The following ATG13 variants were observed in gnomAD, a reference collection of about 807,000 sequenced individuals.
The protein encoded by ATG13 is autophagy-related protein 13.
ATG13 carries 23 observed loss-of-function variants against 65.5 expected under a neutral mutation model. That is an observed-to-expected ratio of 0.35 (90% CI 0.25 to 0.50). ATG13 has a LOEUF of 0.50. Among genes scored for constraint, ATG13 ranks in the 20% least tolerant of loss-of-function variants. The probability of loss-of-function intolerance (pLI) is 0.98; values close to 1 mark genes in which losing one functional copy is unlikely to be tolerated. For synonymous variants in ATG13, 252 were observed against 245.2 expected, an observed-to-expected ratio of 1.03 and a Z score of -0.26; for missense variants, 566 against 677.0, an observed-to-expected ratio of 0.84 and a Z score of 1.82.
At chr11:46,670,046 G>GC (rs2063336316) in intron 18 of ATG13, among the ~76,000 whole-genome samples, 1 of 152,056 alleles carries the variant, frequency 6.6e-6, no homozygotes, top group East Asian at 1.9e-4. Flanking sequence ...GCAGAAGAGT[G>GC]CCCCGCACAA....
intron 1 of ATG13, among the ~76,000 whole-genome samples, chr11:46,624,616 A>G (rs1019678941): frequency 1.5e-4 from 23 of 151,998 alleles, no homozygotes; most frequent in Admixed American, 6.6e-4. Flanking sequence ...TTCAGGTTAT[A>G]CAGTTTTAGC....
At chr11:46,664,130 G>C in intron 12 of ATG13, 35 bp downstream of exon 12, 1 of 1,393,536 alleles carries the variant, frequency 7.2e-7, no homozygotes, top group Non-Finnish European at 9.9e-7. Flanking sequence ...GATATAATCA[G>C]ATGGCATCCT....
In ATG13 at chr11:46,664,971, G is replaced by A; in HGVS notation, c.999+12G>A. ...CACACCCTCACCAGGTATCTTTAAAGATGGGGAGGACTATGGGTTTCCAGT... is the reference window on the plus strand; with the variant it reads ...CACACCCTCACCAGGTATCTTTAAAAATGGGGAGGACTATGGGTTTCCAGT... On this transcript the variant is annotated intron_variant, in intron 13 of 18. Transcript: ENST00000683050. The A allele has an allele frequency of 6.2e-7, 1 of 1,609,044 alleles. No homozygotes were observed. The highest frequency in any genetic ancestry group is 8.5e-7 in the Non-Finnish European group (1 of 1,175,454).
Position 46,664,265 on chromosome 11 carries a change from A to G in ATG13, c.888+170A>G, listed in dbSNP as rs1592193184. On this transcript the variant is annotated intron_variant, in intron 12 of 18. Transcript: ENST00000683050. ...ACACAGCCACGGCCCAACAGCCTAA[A>G]ATAGGGAATTTTCATCTGCCCCTCC... 7.5e-6 allele frequency: 4 copies of G among 536,904 alleles called. No homozygotes were observed. In the East Asian group the frequency reaches 1.3e-4, roughly 17 times the overall value. The allele number at this position is 536,904 out of a possible 1,614,324, so 33.3% of individuals were successfully genotyped here.
At chr11:46,670,183 T>C (rs2063383401) in intron 18 of ATG13, among the ~76,000 whole-genome samples, 1 of 152,134 alleles carries the variant, frequency 6.6e-6, no homozygotes, top group Admixed American at 6.6e-5. Context: ...GCATGCCCAG[T>C]AATAACAATA....
intron 18 of ATG13, among the ~76,000 whole-genome samples, chr11:46,670,833 T>C (rs2063552142): frequency 6.6e-6 from 1 of 152,038 alleles, no homozygotes; most frequent in South Asian, 2.1e-4. Context: ...AATAAATAAA[T>C]AAAAATCAAG....
In ATG13 at chr11:46,668,461, G is replaced by A. The variant is rs1371717115; in HGVS notation, c.1252-38G>A. 1.9e-6 allele frequency: 3 copies of A among 1,593,306 alleles called. No individual in the cohort carries two copies. In the South Asian group the frequency reaches 3.3e-5, roughly 18 times the overall value. ...GGAAGGAAGCATGAACACTGCAGGAGGGGCAGGCATGAATGCTTTTCTCCT... is the reference window on the plus strand; with the variant it reads ...GGAAGGAAGCATGAACACTGCAGGAAGGGCAGGCATGAATGCTTTTCTCCT... On this transcript the variant is annotated intron_variant, in intron 15 of 18. Transcript: ENST00000683050.
chr11:46,664,779 T>C, intron 12 of ATG13, 70 bp from the exon 13 acceptor site: 3 of 1,398,402 alleles, frequency 2.1e-6, no homozygotes, highest in East Asian at 4.6e-5. Flanking sequence ...CCATCTTGTT[T>C]GTCACGCTCT....
At chr11:46,620,490 ATTGGGCT>A (rs1345798015) in intron 1 of ATG13, among the ~76,000 whole-genome samples, 2 of 151,702 alleles carry the variant, frequency 1.3e-5, no homozygotes, top group Middle Eastern at 3.2e-3. Context: ...AAACAACTCA[ATTGGGCT>A]GGGCGCGGTT....
At chr11:46,640,319 C>G (rs2055537326) in intron 2 of ATG13, among the ~76,000 whole-genome samples, 3 of 152,236 alleles carry the variant, frequency 2.0e-5, no homozygotes, top group Non-Finnish European at 4.4e-5. Flanking sequence ...TTCATAGCCA[C>G]TGTCTGTTAG....
intron 1 of ATG13, among the ~76,000 whole-genome samples, chr11:46,619,117 A>G (rs2046407215): frequency 6.6e-6 from 1 of 152,110 alleles, no homozygotes; most frequent in African/African-American, 2.4e-5. Flanking sequence ...TGCTTAGTGG[A>G]GGAGAGTGCA....
intron 1 of ATG13, 168 bp downstream of exon 1, chr11:46,618,058 C>G (rs1003450010): frequency 2.3e-5 from 9 of 396,090 alleles, no homozygotes; most frequent in Non-Finnish European, 3.1e-5. Context: ...GTCTAGGCCC[C>G]GTTGGCCCCT....
chr11:46,667,109 G>T (rs1012694461), intron 14 of ATG13, among the ~76,000 whole-genome samples: 2 of 152,184 alleles, frequency 1.3e-5, no homozygotes, highest in African/African-American at 4.8e-5. Flanking sequence ...ATTCTTAAAT[G>T]GAGGTCATAA....
At chr11:46,656,578 A>G (rs1036656971) in intron 8 of ATG13, among the ~76,000 whole-genome samples, 1 of 152,226 alleles carries the variant, frequency 6.6e-6, no homozygotes, top group Non-Finnish European at 1.5e-5. Flanking sequence ...ATTTTGAAAA[A>G]TTGGAAATGA....
intron 2 of ATG13, among the ~76,000 whole-genome samples, chr11:46,636,090 T>G (rs913315829): frequency 2.0e-5 from 3 of 152,154 alleles, no homozygotes; most frequent in African/African-American, 7.2e-5. Context: ...CTACAAATGA[T>G]AGATTCCAGT....
chr11:46,641,601 G>T (rs1193269996), intron 2 of ATG13, among the ~76,000 whole-genome samples: 3 of 152,066 alleles, frequency 2.0e-5, no homozygotes, highest in Non-Finnish European at 4.4e-5. Context: ...CCTTTTGGTG[G>T]ATTTATAGAC....
chr11:46,659,326 TTTA>T, intron 10 of ATG13, 63 bp from the exon 11 acceptor site: 1 of 1,329,116 alleles, frequency 7.5e-7, no homozygotes, highest in Non-Finnish European at 1.1e-6. Context: ...CTAATCACCT[TTTA>T]TAGCCTTTCT....
intron 18 of ATG13, among the ~76,000 whole-genome samples, chr11:46,671,919 G>T (rs1280759478): frequency 6.6e-6 from 1 of 152,176 alleles, no homozygotes; most frequent in Non-Finnish European, 1.5e-5. Flanking sequence ...CTGTACACTT[G>T]GTATTTTATT....
At chr11:46,640,675 C>G (rs1378329113) in intron 2 of ATG13, among the ~76,000 whole-genome samples, 1 of 152,066 alleles carries the variant, frequency 6.6e-6, no homozygotes, top group Non-Finnish European at 1.5e-5. Flanking sequence ...AAAAATACAA[C>G]AATAAGATAG....
Sources: allele counts gnomAD v4.1 joint callset (sites outside exome capture counted in the v4.1 genomes callset), GRCh38; gene constraint gnomAD v4.1.1; transcripts MANE v1.5; gene names NCBI Gene and HGNC (gene_info 2026-07-23, HGNC 2026-07-21).